The following SLAMF1 variants were observed in gnomAD, a reference collection of about 807,000 sequenced individuals.
SLAMF1 encodes signaling lymphocytic activation molecule family member 1, also known as signaling lymphocytic activation molecule.
SLAMF1 carries 18 observed loss-of-function variants against 35.1 expected under a neutral mutation model. That is an observed-to-expected ratio of 0.51 (90% confidence interval 0.35 to 0.76). SLAMF1 has a LOEUF of 0.76. Among genes scored for constraint, SLAMF1 ranks in the 30% least tolerant of loss-of-function variants. The pLI, the probability that SLAMF1 is intolerant of heterozygous loss-of-function variation, is 0.01. For missense variants in SLAMF1, 392 were observed against 413.0 expected (o/e 0.95, Z 0.44); for synonymous variants, 168 against 157.2 (o/e 1.07, Z -0.51).
rs191289788 is a variant in SLAMF1, at chr1:160,635,220, A to C, written c.416-323T>G. ...TCTCCTATCAGTGGAGTTTGCTGTC[A>C]ACTAATCCACCATGGTTTTTAGTTG... On this transcript the variant is annotated intron_variant, in intron 2 of 6. Transcript: ENST00000302035. Among the ~76,000 whole-genome samples the C allele has an allele frequency of 2.8e-3, 422 of 152,344 alleles. 1 individual carries two copies. The highest frequency in any genetic ancestry group is 9.7e-3 in the African/African-American group (402 of 41,586).
In SLAMF1 at chr1:160,645,529, G is replaced by A. The variant is rs1470355185; in HGVS notation, c.76+1341C>T. Among the ~76,000 whole-genome samples, 4 of 152,320 alleles carry A rather than the reference G, an allele frequency of 2.6e-5. 1 individual carries two copies. The East Asian group carries it at 7.7e-4, about 29-fold the overall frequency. On this transcript the variant is annotated intron_variant, in intron 1 of 6. Coordinates refer to ENST00000302035, the MANE Select transcript of SLAMF1 (RefSeq NM_003037.5). The stretch of plus-strand genomic sequence containing the variant: ...ATGGGCCAGGCTGGCCAAGAGGCTA[G>A]CAAGCACAGAGATGGAAAAGTCCAG...
intron 4 of SLAMF1, among the ~76,000 whole-genome samples, chr1:160,621,859 T>TGC (rs1558005942): frequency 2.2e-5 from 3 of 134,790 alleles, no homozygotes; most frequent in African/African-American, 5.5e-5. Flanking sequence ...TGAGTGCGTG[T>TGC]GTGTGTGTGT....
At chr1:160,625,399 T>C (rs1480024168) in intron 3 of SLAMF1, among the ~76,000 whole-genome samples, 2 of 152,140 alleles carry the variant, frequency 1.3e-5, no homozygotes, top group Non-Finnish European at 2.9e-5. Context: ...GAAAGAATCA[T>C]GGTGGACACA....
intron 2 of SLAMF1, 85 bp downstream of exon 2, chr1:160,637,106 C>G: frequency 4.8e-6 from 4 of 835,770 alleles, no homozygotes; most frequent in South Asian, 1.5e-5. Context: ...TTCTGAATAC[C>G]CTTTGCTTTT....
At chr1:160,615,748 C>A in intron 5 of SLAMF1, 2 of 349,704 alleles carry the variant, frequency 5.7e-6, no homozygotes, top group South Asian at 2.2e-5. Flanking sequence ...AGAATAAGTC[C>A]GAAGTCTGAT....
In SLAMF1 at chr1:160,614,988, T is replaced by C. The variant is rs544605365; in HGVS notation, c.865-2408A>G. Among the ~76,000 whole-genome samples, 4 of 152,306 alleles carry C rather than the reference T, an allele frequency of 2.6e-5. No individual in the cohort carries two copies. In the East Asian group the frequency reaches 7.7e-4, roughly 29 times the overall value. On this transcript the variant is annotated intron_variant, in intron 5 of 6. Coordinates refer to ENST00000302035, the MANE Select transcript of SLAMF1 (RefSeq NM_003037.5). Reference sequence around the variant, plus strand: ...GGCCGCTGGAATTAATTCTGCAAGATACTAGCTCTGATAAGTCCTAGAAGA... The same window carrying C: ...GGCCGCTGGAATTAATTCTGCAAGACACTAGCTCTGATAAGTCCTAGAAGA...
intron 4 of SLAMF1, 72 bp downstream of exon 4, chr1:160,624,024 G>A (rs1036358005): frequency 1.0e-5 from 11 of 1,086,392 alleles, no homozygotes; most frequent in East Asian, 7.4e-5. Flanking sequence ...GAGCAAGTCC[G>A]AGCCTGTGGA....
intron 1 of SLAMF1, 25 bp downstream of exon 1, chr1:160,646,845 A>G (rs774893790): frequency 7.2e-7 from 1 of 1,397,926 alleles, no homozygotes; most frequent in Admixed American, 1.7e-5. Flanking sequence ...ATGGGACTCA[A>G]ACCATCAGGC....
rs1391095977 is a variant in SLAMF1, at chr1:160,642,863, C to G, written c.76+4007G>C. Reference sequence around the variant, plus strand: ...AAACCCTTTACCTCTGCATTTGTGCCTCCTTCTAGAACGCTCCTTCTCAAG... The same window carrying G: ...AAACCCTTTACCTCTGCATTTGTGCGTCCTTCTAGAACGCTCCTTCTCAAG... On this transcript the variant is annotated intron_variant, in intron 1 of 6. Transcript: ENST00000302035. This position sits in a 1 kb window ranked among gnomAD's most constrained non-coding sequence, Gnocchi z 4.2. 6.6e-6 allele frequency among the ~76,000 whole-genome samples: 1 copy of G among 152,160 alleles called. No individual in the cohort carries two copies. The highest frequency in any genetic ancestry group is 1.5e-5 in the Non-Finnish European group (1 of 68,036).
chr1:160,641,197 A>G (rs1410626663), intron 1 of SLAMF1, among the ~76,000 whole-genome samples: 3 of 152,218 alleles, frequency 2.0e-5, no homozygotes, highest in Non-Finnish European at 1.5e-5. Context: ...CATAAATGCC[A>G]TCTCTTAAAG....
At position 160,642,474 on chromosome 1, in the gene SLAMF1, A is replaced by G. The variant is rs978047207; in HGVS notation, c.76+4396T>C. On this transcript the variant is annotated intron_variant, in intron 1 of 6. Coordinates refer to ENST00000302035, the MANE Select transcript of SLAMF1 (RefSeq NM_003037.5). The surrounding 1 kb of genome is among the most constrained non-coding windows in gnomAD (Gnocchi z 4.2). ...TTCATCACGTGTTCAACTCTGGTTCAATGCCTGTAATCCCCCACTCTTATA... is the reference window on the plus strand; with the variant it reads ...TTCATCACGTGTTCAACTCTGGTTCGATGCCTGTAATCCCCCACTCTTATA... Among the ~76,000 whole-genome samples, 2 of 152,172 alleles carry G rather than the reference A, an allele frequency of 1.3e-5. No individual in the cohort carries two copies. Among genetic ancestry groups the G allele is most frequent in the Non-Finnish European group, 2.9e-5 (2 of 68,028 alleles).
intron 4 of SLAMF1, among the ~76,000 whole-genome samples, chr1:160,621,680 C>G (rs933976832): frequency 6.6e-6 from 1 of 151,078 alleles, no homozygotes; most frequent in Non-Finnish European, 1.5e-5. Flanking sequence ...GAATGTGCTG[C>G]GTGAGGGTGT....
chr1:160,612,619 G>T, intron 5 of SLAMF1, 39 bp from the exon 6 acceptor site: 1 of 1,265,022 alleles, frequency 7.9e-7, no homozygotes, highest in Non-Finnish European at 1.2e-6. Context: ...GCTGAACAGA[G>T]AGAGCTAGTT....
intron 5 of SLAMF1, 59 bp downstream of exon 5, chr1:160,619,717 T>C (rs1659503072): frequency 2.8e-6 from 3 of 1,090,462 alleles, no homozygotes; most frequent in South Asian, 2.5e-5. Flanking sequence ...CAAGGTAGAC[T>C]GGCCAGGAAT....
chr1:160,645,227 G>T (rs1272876043), intron 1 of SLAMF1, among the ~76,000 whole-genome samples: 2 of 152,200 alleles, frequency 1.3e-5, no homozygotes, highest in African/African-American at 4.8e-5. Context: ...AGTTTTACAA[G>T]AATCAAGCTT....
intron 1 of SLAMF1, among the ~76,000 whole-genome samples, chr1:160,643,833 C>T: frequency 6.6e-6 from 1 of 152,130 alleles, no homozygotes; most frequent in East Asian, 1.9e-4. Flanking sequence ...AGTCACCGTA[C>T]TGATCTATCA....
At chr1:160,635,073 A>T (rs3766362) in intron 2 of SLAMF1, among the ~76,000 whole-genome samples, 176 bp from the exon 3 acceptor site, 98,377 of 152,058 alleles carry the variant, frequency 0.65, 32,073 homozygotes, top group South Asian at 0.72. Context: ...ACTACATCCT[A>T]TCTAAGACCA....
At chr1:160,636,955 G>A in intron 2 of SLAMF1, 1 of 516,306 alleles carries the variant, frequency 1.9e-6, no homozygotes, top group South Asian at 2.7e-5. Flanking sequence ...TTTCCTTTGG[G>A]AAATGGGAGT....
At position 160,637,365 on chromosome 1, in the gene SLAMF1, G is replaced by A. The variant is rs1373814964; in HGVS notation, c.241C>T (p.Leu81Phe). Residue 81 changes from leucine (L) to phenylalanine (F), a missense_variant, in exon 2 of 7, where the codon CTT (leucine) becomes TTT (phenylalanine). Coordinates refer to ENST00000302035, the MANE Select transcript of SLAMF1 (RefSeq NM_003037.5). ...ENSVENKIVS[L>F]DPSEAGPPRY... is the part of the protein sequence containing the mutation. Reference sequence around the variant, plus strand: ...GGAGGGCCTGCTTCGGATGGATCAAGAGACACTATTTTGTTCTCGACACTG... The same window carrying A: ...GGAGGGCCTGCTTCGGATGGATCAAAAGACACTATTTTGTTCTCGACACTG... The A allele has an allele frequency of 6.2e-7, 1 of 1,614,042 alleles. No individual in the cohort carries two copies. The highest frequency in any genetic ancestry group is 2.2e-5 in the East Asian group (1 of 44,898).
Sources: gnomAD v4.1 joint callset for allele counts (sites outside exome capture counted in the v4.1 genomes callset) on GRCh38, gnomAD v4.1.1 for gene constraint, Gnocchi (gnomAD v3.1) non-coding constraint, MANE v1.5 for transcripts, NCBI Gene and HGNC (gene_info 2026-07-23, HGNC 2026-07-21) for gene names.